The following ADAMTS20 variants were observed in gnomAD, a reference collection of about 807,000 sequenced individuals.
ADAMTS20 encodes the protein A disintegrin and metalloproteinase with thrombospondin motifs 20.
A neutral mutation model predicts 260.1 loss-of-function variants in ADAMTS20; 225 were observed. The ratio of observed to expected loss-of-function variants is 0.87; its 90% CI spans 0.78 to 0.97. The LOEUF is 0.97. Among genes scored for constraint, ADAMTS20 ranks in the 50% least tolerant of loss-of-function variants. The pLI, the probability that ADAMTS20 is intolerant of heterozygous loss-of-function variation, is 0.00. For missense variants in ADAMTS20, 2,400 were observed against 2,337.7 expected, an observed-to-expected ratio of 1.03 and a Z score of -0.55; for synonymous variants, 802 against 769.5, an observed-to-expected ratio of 1.04 and a Z score of -0.70.
chr12:43,364,211 G>A (rs1207579298), intron 37 of ADAMTS20, among the ~76,000 whole-genome samples: 2 of 151,980 alleles, frequency 1.3e-5, no homozygotes, highest in Non-Finnish European at 2.9e-5. Context: ...CACAAACAAA[G>A]AAGTAAACGA....
intron 7 of ADAMTS20, among the ~76,000 whole-genome samples, chr12:43,477,338 G>A (rs1489907484): frequency 1.3e-5 from 2 of 151,956 alleles, no homozygotes; most frequent in African/African-American, 4.8e-5. Flanking sequence ...GGGACAACAG[G>A]GTATAGATAA....
At chr12:43,501,456 G>A (rs1942758976) in intron 4 of ADAMTS20, among the ~76,000 whole-genome samples, 2 of 96,886 alleles carry the variant, frequency 2.1e-5, no homozygotes. Flanking sequence ...GTGGTGGAGG[G>A]GGATACGCGC....
At chr12:43,479,721 A>G (rs558129480) in intron 7 of ADAMTS20, among the ~76,000 whole-genome samples, 2 of 152,122 alleles carry the variant, frequency 1.3e-5, no homozygotes, top group Non-Finnish European at 2.9e-5. Flanking sequence ...TCAAATAATA[A>G]AATTAGAAAA....
chr12:43,454,561 A>T (rs564950024), intron 11 of ADAMTS20, among the ~76,000 whole-genome samples: 2 of 152,348 alleles, frequency 1.3e-5, no homozygotes, highest in South Asian at 2.1e-4. Context: ...ATTCAACAGC[A>T]TCTGCACTCA....
chr12:43,495,216 A>G (rs1454081291), intron 4 of ADAMTS20, among the ~76,000 whole-genome samples: 1 of 152,220 alleles, frequency 6.6e-6, no homozygotes, highest in Non-Finnish European at 1.5e-5. Flanking sequence ...TTCTGATAGT[A>G]TAATTAAAAT....
At chr12:43,547,556 T>A (rs980679657) in intron 2 of ADAMTS20, among the ~76,000 whole-genome samples, 2 of 152,040 alleles carry the variant, frequency 1.3e-5, no homozygotes, top group Non-Finnish European at 2.9e-5. Flanking sequence ...CACATCAAAT[T>A]TAGAGGTGTA....
chr12:43,443,288 A>C (rs149771347), intron 16 of ADAMTS20, among the ~76,000 whole-genome samples: 2 of 152,240 alleles, frequency 1.3e-5, no homozygotes, highest in Non-Finnish European at 2.9e-5. Flanking sequence ...CTTTAGAAAT[A>C]GCTAACAGAC....
At position 43,446,673 on chromosome 12, in the gene ADAMTS20, T is replaced by C. The variant is rs1490140479; in HGVS notation, c.2119A>G (p.Ile707Val). 1.2e-6 allele frequency: 2 copies of C among 1,613,468 alleles called. No homozygotes were observed. Among genetic ancestry groups the C allele is most frequent in the African/African-American group, 2.7e-5 (2 of 75,022 alleles). ...CDHVLNSSAK[I>V]DKCGVCGGDN... ...CCACCACACACTCCACATTTGTCTA[T>C]CTTGGCACTGGAGTTTAACACGTGA... The change falls in exon 15 of 39, where the codon ATA (isoleucine) becomes GTA (valine). Residue 707 changes from isoleucine to valine, a missense_variant. By Grantham distance (29) the Ile-to-Val change is conservative. Coordinates refer to ENST00000389420, the MANE Select transcript of ADAMTS20 (RefSeq NM_025003.5).
intron 11 of ADAMTS20, among the ~76,000 whole-genome samples, chr12:43,457,795 T>A (rs1275011893): frequency 1.3e-5 from 2 of 152,242 alleles, no homozygotes; most frequent in African/African-American, 2.4e-5. Flanking sequence ...GCTAAGTAGA[T>A]GTCTGTTTCC....
intron 7 of ADAMTS20, among the ~76,000 whole-genome samples, chr12:43,478,738 T>C (rs1942397388): frequency 6.6e-6 from 1 of 152,284 alleles, no homozygotes; most frequent in South Asian, 2.1e-4. Context: ...AAAATAACTG[T>C]CAACCTAGAA....
At chr12:43,508,045 C>G (rs1006043080) in intron 3 of ADAMTS20, among the ~76,000 whole-genome samples, 4 of 151,998 alleles carry the variant, frequency 2.6e-5, no homozygotes, top group African/African-American at 9.7e-5. Context: ...GGGTACTGGG[C>G]TTAGTACCTG....
intron 3 of ADAMTS20, among the ~76,000 whole-genome samples, chr12:43,519,804 C>T (rs992532466): frequency 2.0e-5 from 3 of 152,124 alleles, no homozygotes; most frequent in Non-Finnish European, 2.9e-5. Flanking sequence ...ATAACGAATT[C>T]AGAAATTTAT....
chr12:43,447,143 G>A (rs1941777279), intron 14 of ADAMTS20, among the ~76,000 whole-genome samples: 1 of 151,494 alleles, frequency 6.6e-6, no homozygotes, highest in African/African-American at 2.4e-5. Context: ...CTTCTATGAG[G>A]TCAGCATCAT....
intron 15 of ADAMTS20, among the ~76,000 whole-genome samples, chr12:43,446,030 G>A (rs986428551): frequency 2.0e-5 from 3 of 152,124 alleles, no homozygotes; most frequent in African/African-American, 7.2e-5. Context: ...TGGCCAATAT[G>A]TGATCCAGAT....
chr12:43,387,881 C>A (rs921959722), intron 29 of ADAMTS20, among the ~76,000 whole-genome samples: 2 of 152,164 alleles, frequency 1.3e-5, no homozygotes, highest in Non-Finnish European at 2.9e-5. Context: ...CCCCTCCCCC[C>A]ACCAAGCTCC....
intron 7 of ADAMTS20, among the ~76,000 whole-genome samples, chr12:43,471,305 C>A (rs561843412): frequency 6.6e-6 from 1 of 151,726 alleles, no homozygotes; most frequent in East Asian, 1.9e-4. Context: ...CACCACGGGA[C>A]TATATCCCAC....
intron 6 of ADAMTS20, among the ~76,000 whole-genome samples, chr12:43,491,902 G>A (rs1014985770): frequency 1.3e-5 from 2 of 152,148 alleles, no homozygotes; most frequent in African/African-American, 4.8e-5. Flanking sequence ...CTCTCATTCT[G>A]TCACTAATAT....
intron 29 of ADAMTS20, among the ~76,000 whole-genome samples, chr12:43,396,221 C>A (rs1305837991): frequency 1.3e-5 from 2 of 151,934 alleles, no homozygotes; most frequent in Admixed American, 6.6e-5. Context: ...AAAAAAGATA[C>A]AAATATCAAA....
At chr12:43,537,834 A>G (rs575819186) in intron 2 of ADAMTS20, among the ~76,000 whole-genome samples, 206 of 152,334 alleles carry the variant, frequency 1.4e-3, no homozygotes, top group African/African-American at 4.8e-3. Flanking sequence ...CCATTGTTAG[A>G]AATGACTAGA....
Sources: allele counts gnomAD v4.1 joint callset (sites outside exome capture counted in the v4.1 genomes callset), GRCh38; gene constraint gnomAD v4.1.1; transcripts MANE v1.5; gene names NCBI Gene and HGNC (gene_info 2026-07-23, HGNC 2026-07-21).